Variants in SDK1 observed in about 807,000 individuals in gnomAD.
The protein encoded by SDK1 is protein sidekick-1.
A neutral mutation model predicts 245.5 loss-of-function variants in SDK1; 157 were observed. The ratio of observed to expected loss-of-function variants is 0.64; its 90% CI spans 0.56 to 0.73. SDK1 has a LOEUF of 0.73. Among genes scored for constraint, SDK1 ranks in the 30% least tolerant of loss-of-function variants. The pLI, the probability that SDK1 is intolerant of heterozygous loss-of-function variation, is 0.00. For missense variants in SDK1, 3,583 were observed against 3,002.3 expected (o/e 1.19, Z -4.52); for synonymous variants, 1,647 against 1,278.5 (o/e 1.29, Z -6.15).
chr7:3,884,704 C>A (rs1419460678), intron 5 of SDK1, among the ~76,000 whole-genome samples: 4 of 152,208 alleles, frequency 2.6e-5, no homozygotes, highest in African/African-American at 9.7e-5. Flanking sequence ...CCAGCTCCAG[C>A]TCCCAGGAAC....
At chr7:3,702,915 T>G (rs917990824) in intron 4 of SDK1, among the ~76,000 whole-genome samples, 9 of 151,876 alleles carry the variant, frequency 5.9e-5, no homozygotes, top group African/African-American at 1.9e-4. Flanking sequence ...ACAGCTAAAA[T>G]AAAAAGTAGT....
intron 14 of SDK1, among the ~76,000 whole-genome samples, chr7:3,988,474 G>C (rs1439676928): frequency 6.6e-6 from 1 of 152,048 alleles, no homozygotes; most frequent in Non-Finnish European, 1.5e-5. Context: ...CCACTCCCCT[G>C]TCCACGTCCT....
At chr7:3,885,796 G>C (rs1781324340) in intron 5 of SDK1, among the ~76,000 whole-genome samples, 1 of 152,014 alleles carries the variant, frequency 6.6e-6, no homozygotes, top group Admixed American at 6.5e-5. Context: ...CCCTTCTCTT[G>C]TTTCCTCCCA....
At chr7:3,833,375 G>A (rs1779956991) in intron 5 of SDK1, among the ~76,000 whole-genome samples, 1 of 152,116 alleles carries the variant, frequency 6.6e-6, no homozygotes, top group African/African-American at 2.4e-5. Context: ...TCTCCAACAG[G>A]ATGTCACTCT....
At chr7:3,470,092 G>T (rs1451391660) in intron 1 of SDK1, among the ~76,000 whole-genome samples, 3 of 152,084 alleles carry the variant, frequency 2.0e-5, no homozygotes, top group African/African-American at 7.2e-5. Context: ...ACTAGAGAGG[G>T]TCCATTTGTT....
intron 13 of SDK1, among the ~76,000 whole-genome samples, chr7:3,977,674 C>G (rs1783062267): frequency 6.6e-6 from 1 of 152,248 alleles, no homozygotes; most frequent in South Asian, 2.1e-4. Flanking sequence ...TGCAGTTCTT[C>G]CCTGCGCGCA....
At chr7:3,586,047 G>C (rs1219524990) in intron 1 of SDK1, among the ~76,000 whole-genome samples, 1 of 152,166 alleles carries the variant, frequency 6.6e-6, no homozygotes, top group East Asian at 1.9e-4. Flanking sequence ...GCTGTGCTAA[G>C]TAAAGGAAGA....
intron 4 of SDK1, among the ~76,000 whole-genome samples, chr7:3,736,388 G>A (rs1447085758): frequency 6.6e-6 from 1 of 152,124 alleles, no homozygotes; most frequent in Non-Finnish European, 1.5e-5. Context: ...TGCCTCCCGG[G>A]TTCACGCCCT....
At chr7:3,343,170 G>A (rs1780394752) in intron 1 of SDK1, among the ~76,000 whole-genome samples, 1 of 152,164 alleles carries the variant, frequency 6.6e-6, no homozygotes, top group African/African-American at 2.4e-5. Flanking sequence ...CTCTTGGATA[G>A]TTATCTCAGA....
intron 1 of SDK1, among the ~76,000 whole-genome samples, chr7:3,526,220 G>A (rs1418410961): frequency 6.6e-6 from 1 of 151,416 alleles, no homozygotes; most frequent in Non-Finnish European, 1.5e-5. Context: ...GAGACAGAGC[G>A]AGACTCCGTC....
intron 1 of SDK1, among the ~76,000 whole-genome samples, chr7:3,454,448 A>G (rs964014121): frequency 2.3e-5 from 3 of 131,998 alleles, no homozygotes; most frequent in African/African-American, 2.7e-5. Flanking sequence ...AGTCTATGCA[A>G]TTCTGTTACA....
At chr7:3,306,777 T>A (rs1000864575) in intron 1 of SDK1, among the ~76,000 whole-genome samples, 1 of 152,184 alleles carries the variant, frequency 6.6e-6, no homozygotes, top group African/African-American at 2.4e-5. Context: ...GGATTTGGCG[T>A]CTAAGGTGGC....
rs562966484 is a variant in SDK1 at position 4,088,982 on chromosome 7, C to A, written c.3324+9398C>A. Among the ~76,000 whole-genome samples, 17 of 151,112 alleles carry A rather than the reference C, an allele frequency of 1.1e-4. No individual in the cohort carries two copies. In the South Asian group the frequency reaches 1.9e-3, roughly 17 times the overall value. Reference sequence around the variant, plus strand: ...TGAGGCCCCTCAGAGGGAGGTGAGACCCTCCCTCAGGTGGAGGTGAGACCC... The same window carrying A: ...TGAGGCCCCTCAGAGGGAGGTGAGAACCTCCCTCAGGTGGAGGTGAGACCC... On this transcript the variant is annotated intron_variant, in intron 22 of 44. Coordinates refer to ENST00000404826, the MANE Select transcript of SDK1 (RefSeq NM_152744.4).
At chr7:3,374,417 C>T (rs766275584) in intron 1 of SDK1, among the ~76,000 whole-genome samples, 17 of 152,106 alleles carry the variant, frequency 1.1e-4, no homozygotes, top group Non-Finnish European at 2.4e-4. Flanking sequence ...GTGTACTTGT[C>T]AAGTCTTTGG....
rs74682606 is a variant in SDK1 at position 3,902,981 on chromosome 7, C to T, written c.848-47942C>T. Among the ~76,000 whole-genome samples, 1,354 of 152,038 alleles carry T rather than the reference C, an allele frequency of 8.9e-3. 14 individuals carry two copies. The highest frequency in any genetic ancestry group is 0.031 in the African/African-American group (1,272 of 41,454). On this transcript the variant is annotated intron_variant, in intron 5 of 44. Transcript: ENST00000404826. ...AAAATGGACAAAGGATTTTAATAGG[C>T]ATTTTTCCAAAGAAGATAAAAAAAA...
chr7:4,260,827 G>A lies in SDK1; in HGVS notation c.6382-4297G>A, dbSNP rs865803879. On this transcript the variant is annotated intron_variant, in intron 44 of 44. Transcript: ENST00000404826. ...ACCTGATGGAGAAGCTGGCTGCTCC[G>A]GGGTCTCTGCATGTGTGGGAGGATG... is the stretch of plus-strand genomic sequence containing the variant. 1.5e-4 allele frequency among the ~76,000 whole-genome samples: 22 copies of A among 144,800 alleles called. No individual in the cohort carries two copies. The South Asian group carries it at 2.5e-3, about 17-fold the overall frequency. 95.0% of individuals were successfully genotyped at this position (144,800 alleles called of 152,430 possible).
chr7:4,070,218 T>C (rs948529921), intron 20 of SDK1, among the ~76,000 whole-genome samples: 1 of 152,230 alleles, frequency 6.6e-6, no homozygotes, highest in Non-Finnish European at 1.5e-5. Context: ...CCTAATGGGA[T>C]GTCTGCACCC....
intron 5 of SDK1, among the ~76,000 whole-genome samples, chr7:3,942,142 A>G (rs893675048): frequency 5.3e-5 from 8 of 152,060 alleles, no homozygotes; most frequent in Non-Finnish European, 8.8e-5. Context: ...TCCTGACCTC[A>G]TGATCCGCCC....
At chr7:3,566,834 G>T (rs867002752) in intron 1 of SDK1, among the ~76,000 whole-genome samples, 1 of 151,940 alleles carries the variant, frequency 6.6e-6, no homozygotes, top group Admixed American at 6.6e-5. Context: ...AAATCTTCAA[G>T]CTCATTATTA....
Sources: allele counts gnomAD v4.1 joint callset (sites outside exome capture counted in the v4.1 genomes callset), GRCh38; gene constraint gnomAD v4.1.1; transcripts MANE v1.5; gene names NCBI Gene and HGNC (gene_info 2026-07-23, HGNC 2026-07-21).